RASGRF2: variants seen among roughly 807,000 people sequenced by gnomAD.
The protein encoded by RASGRF2 is Ras protein specific guanine nucleotide releasing factor 2, also known as ras-specific guanine nucleotide-releasing factor 2.
Under a neutral mutation model 151.0 loss-of-function variants are expected in RASGRF2, and 76 were observed. The observed-to-expected ratio is 0.50, with a 90% CI of 0.42 to 0.61. RASGRF2 has a LOEUF of 0.61. Ranked by LOEUF, RASGRF2 falls within the 20% of genes least tolerant of loss-of-function variation. The pLI is 0.00. For missense variants in RASGRF2, 1,148 were observed against 1,564.6 expected (o/e 0.73, Z 4.49); for synonymous variants, 504 against 566.5 (o/e 0.89, Z 1.57).
intron 2 of RASGRF2, among the ~76,000 whole-genome samples, chr5:81,044,541 C>A (rs1750778208): frequency 6.6e-6 from 1 of 152,168 alleles, no homozygotes; most frequent in Non-Finnish European, 1.5e-5. Flanking sequence ...TTCTCCCTAC[C>A]CTCTTCAGCT....
Position 81,218,431 on chromosome 5 carries a change from C to T in RASGRF2, c.3552+958C>T, listed in dbSNP as rs895972926. Among the ~76,000 whole-genome samples the T allele has an allele frequency of 5.3e-5, 8 of 152,270 alleles. No homozygotes were observed. In the East Asian group the frequency reaches 5.8e-4, roughly 11 times the overall value. ...TCCTACATATGGCTTGCCAATTATC[C>T]GAGCACCATTTGTTGAAAAGGGTGT... On this transcript the variant is annotated intron_variant, in intron 25 of 26. Coordinates refer to ENST00000265080, the MANE Select transcript of RASGRF2 (RefSeq NM_006909.3).
chr5:81,011,885 C>T (rs1447500825), intron 1 of RASGRF2, among the ~76,000 whole-genome samples: 1 of 152,036 alleles, frequency 6.6e-6, no homozygotes, highest in Non-Finnish European at 1.5e-5. Context: ...TATACATAGA[C>T]ATTATATATA....
intron 17 of RASGRF2, among the ~76,000 whole-genome samples, chr5:81,156,799 A>G (rs1231201736): frequency 2.0e-5 from 3 of 152,190 alleles, no homozygotes; most frequent in African/African-American, 7.2e-5. Context: ...CTTCTATTCA[A>G]CATTGCGCTG....
intron 17 of RASGRF2, among the ~76,000 whole-genome samples, chr5:81,160,387 C>T (rs569708240): frequency 6.6e-6 from 1 of 152,162 alleles, no homozygotes; most frequent in Admixed American, 6.5e-5. Flanking sequence ...CACCACTGCA[C>T]TCCGGCCTGG....
chr5:81,060,667 A>G (rs1024587316), intron 2 of RASGRF2, among the ~76,000 whole-genome samples: 1 of 152,174 alleles, frequency 6.6e-6, no homozygotes, highest in Non-Finnish European at 1.5e-5. Context: ...TTATTGACTC[A>G]AAGAATCAAT....
At chr5:81,112,262 A>T (rs1427940496) in intron 13 of RASGRF2, among the ~76,000 whole-genome samples, 1 of 152,250 alleles carries the variant, frequency 6.6e-6, no homozygotes, top group Admixed American at 6.5e-5. Flanking sequence ...ATAAAAAATA[A>T]TACAAATTTT....
chr5:81,004,966 T>C (rs1313206655), intron 1 of RASGRF2, among the ~76,000 whole-genome samples: 1 of 152,200 alleles, frequency 6.6e-6, no homozygotes, highest in Non-Finnish European at 1.5e-5. Context: ...TTTCCAAACA[T>C]TTTCATTACC....
intron 12 of RASGRF2, chr5:81,096,569 G>A (rs1168613235): frequency 1.3e-5 from 2 of 152,190 alleles, no homozygotes; most frequent in Admixed American, 1.3e-4. Flanking sequence ...GTAGGCAAAG[G>A]TGTTTTTCCA....
At chr5:81,142,076 T>C (rs900490388) in intron 17 of RASGRF2, among the ~76,000 whole-genome samples, 2 of 152,154 alleles carry the variant, frequency 1.3e-5, no homozygotes, top group Admixed American at 1.3e-4. Flanking sequence ...TTTTCCAGGG[T>C]CTAGATTACA....
At position 81,094,983 on chromosome 5, in the gene RASGRF2, C is replaced by T. The variant is rs575059799; in HGVS notation, c.1746C>T (p.Asp582=). 17 of 1,522,112 alleles carry T rather than the reference C, an allele frequency of 1.1e-5. No homozygotes were observed. The African/African-American group carries it at 2.4e-4, about 21-fold the overall frequency. 94.3% of individuals were successfully genotyped at this position (1,522,112 alleles called of 1,614,324 possible). A position where few individuals can be genotyped will look rare whatever the true frequency, so the allele number is the denominator to read the frequency against. The change falls in exon 12 of 27, where the codon GAC becomes GAT. Residue 582 remains aspartate (D), a synonymous_variant. Transcript: ENST00000265080. ...SRQEKAAWMS[D]ISQCVDNIRC... ...AGGAGAAAGCTGCCTGGATGAGTGA[C>T]ATCAGTCAGGTAAGAAAGTGGCTTT...
chr5:81,216,461 C>T (rs951260233), intron 24 of RASGRF2, among the ~76,000 whole-genome samples: 1 of 151,798 alleles, frequency 6.6e-6, no homozygotes, highest in African/African-American at 2.4e-5. Flanking sequence ...ACCACATGTA[C>T]TTTGGAAAAA....
At chr5:81,034,512 C>A (rs1247261689) in intron 1 of RASGRF2, among the ~76,000 whole-genome samples, 1 of 151,852 alleles carries the variant, frequency 6.6e-6, no homozygotes. Flanking sequence ...ATGTTTATTG[C>A]GGAACTATTC....
At chr5:81,128,566 G>C (rs904102825) in intron 17 of RASGRF2, among the ~76,000 whole-genome samples, 1 of 152,180 alleles carries the variant, frequency 6.6e-6, no homozygotes, top group South Asian at 2.1e-4. Flanking sequence ...CTGAGAACAC[G>C]TTTCCATTTT....
chr5:81,066,637 C>T (rs544493501), intron 2 of RASGRF2, among the ~76,000 whole-genome samples: 5 of 152,276 alleles, frequency 3.3e-5, no homozygotes, highest in Admixed American at 2.0e-4. Flanking sequence ...TCTGAACATC[C>T]GCTTATTCTT....
chr5:81,216,123 T>C (rs1755729916), intron 24 of RASGRF2, among the ~76,000 whole-genome samples, 168 bp downstream of exon 24: 1 of 152,196 alleles, frequency 6.6e-6, no homozygotes, highest in South Asian at 2.1e-4. Flanking sequence ...TTATTTGGAA[T>C]ACTGTGCATA....
Position 80,960,894 on chromosome 5 carries a change from C to T in RASGRF2, c.156C>T (p.Phe52=). ...KWFALYQNVL[F]YFEGEQSCRP... The stretch of plus-strand genomic sequence containing the variant: ...TCGCCCTCTACCAGAATGTGCTCTT[C>T]TACTTCGAGGGCGAGCAGAGCTGCC... The change falls in exon 1 of 27, where the codon TTC becomes TTT. Residue 52 remains phenylalanine, a synonymous_variant. Transcript: ENST00000265080. This position sits in a 1 kb window ranked among gnomAD's most constrained non-coding sequence, Gnocchi z 5.5. 1.2e-6 allele frequency: 2 copies of T among 1,610,112 alleles called. No individual in the cohort carries two copies. Among genetic ancestry groups the T allele is most frequent in the Non-Finnish European group, 8.5e-7 (1 of 1,177,134 alleles).
chr5:81,128,897 G>A (rs757184363), intron 17 of RASGRF2, among the ~76,000 whole-genome samples: 8 of 152,158 alleles, frequency 5.3e-5, no homozygotes, highest in Non-Finnish European at 8.8e-5. Context: ...CTAGCACTTT[G>A]GGAGGCCAAG....
At chr5:81,100,918 G>T (rs557808653) in intron 12 of RASGRF2, among the ~76,000 whole-genome samples, 43 of 152,206 alleles carry the variant, frequency 2.8e-4, no homozygotes, top group African/African-American at 9.4e-4. Flanking sequence ...TGGCAACACA[G>T]TAGACCGCTG....
chr5:81,081,690 C>T (rs1215543103), intron 7 of RASGRF2, among the ~76,000 whole-genome samples: 2 of 152,172 alleles, frequency 1.3e-5, no homozygotes, highest in Non-Finnish European at 2.9e-5. Context: ...GCATCTCTGA[C>T]CCTGGCTAAT....
Sources: gnomAD v4.1 joint callset for allele counts (sites outside exome capture counted in the v4.1 genomes callset) on GRCh38, gnomAD v4.1.1 for gene constraint, Gnocchi (gnomAD v3.1) non-coding constraint, MANE v1.5 for transcripts, NCBI Gene and HGNC (gene_info 2026-07-23, HGNC 2026-07-21) for gene names.